The following TPX2 variants were observed in gnomAD, a reference collection of about 807,000 sequenced individuals.
TPX2 encodes TPX2 microtubule nucleation factor.
TPX2 carries 21 observed loss-of-function variants against 93.6 expected under a neutral mutation model. That is an observed-to-expected ratio of 0.22 (90% CI 0.16 to 0.32). The LOEUF (loss-of-function observed/expected upper bound fraction) is 0.32. Among genes scored for constraint, TPX2 ranks in the 10% least tolerant of loss-of-function variants. TPX2 has a pLI of 1.00. For synonymous variants in TPX2, 281 were observed against 298.3 expected, an observed-to-expected ratio of 0.94 and a Z score of 0.60; for missense variants, 776 against 871.1, an observed-to-expected ratio of 0.89 and a Z score of 1.37.
chr20:31,784,490 T>C (rs1199253302), intron 12 of TPX2, among the ~76,000 whole-genome samples: 1 of 152,212 alleles, frequency 6.6e-6, no homozygotes, highest in Non-Finnish European at 1.5e-5. Context: ...GTTCAGACAC[T>C]CTAGCTACAG....
At position 31,769,990 on chromosome 20, in the gene TPX2, A is replaced by G. The variant is rs559514050; in HGVS notation, c.357-353A>G. 2.7e-3 allele frequency among the ~76,000 whole-genome samples: 406 copies of G among 152,180 alleles called. 2 individuals are homozygous for G. Among genetic ancestry groups the G allele is most frequent in the Non-Finnish European group, 2.6e-3 (176 of 67,990 alleles). ...TTTTTAAAAAATTTTTTGTAGAGAC[A>G]GGGTCTTGATATGTTGCCCATGCTG... On this transcript the variant is annotated intron_variant, in intron 5 of 17. Transcript: ENST00000300403.
intron 2 of TPX2, among the ~76,000 whole-genome samples, chr20:31,744,766 A>G (rs776451430): frequency 3.3e-5 from 5 of 152,052 alleles, no homozygotes; most frequent in African/African-American, 4.8e-5. Context: ...TATTACTTTT[A>G]CCAGTGAAAT....
intron 5 of TPX2, among the ~76,000 whole-genome samples, chr20:31,769,581 C>T (rs1002871966): frequency 1.3e-5 from 2 of 152,140 alleles, no homozygotes; most frequent in Admixed American, 1.3e-4. Context: ...GCCTCGGCCT[C>T]CCAAAGTGCT....
rs1461736650 is a variant in TPX2, at chr20:31,801,004, G to A, written c.2168G>A (p.Gly723Asp). 1.2e-6 allele frequency: 2 copies of A among 1,614,182 alleles called. No individual in the cohort carries two copies. Among genetic ancestry groups the A allele is most frequent in the Admixed American group, 3.3e-5 (2 of 60,030 alleles). Residue 723 changes from glycine (G) to aspartate (D), a missense_variant, in exon 18 of 18, where the codon GGT becomes GAT. By Grantham distance (94) the Gly-to-Asp change is moderately conservative (BLOSUM62 -1). Around this residue, in one of 3 missense-constraint regions of TPX2, gnomAD observed 461 missense variants for 551.2 expected, o/e 0.84. Coordinates refer to ENST00000300403, the MANE Select transcript of TPX2 (RefSeq NM_012112.5). ...HKANPIRKYQ[G>D]LEIKSSDQPL... is the part of the protein sequence containing the mutation. ...GCAAATCCAATACGCAAGTACCAGGGTCTGGAGATAAAGTCAAGTGACCAG... is the reference window on the plus strand; with the variant it reads ...GCAAATCCAATACGCAAGTACCAGGATCTGGAGATAAAGTCAAGTGACCAG...
At chr20:31,740,845 T>C (rs1395963753) in intron 1 of TPX2, among the ~76,000 whole-genome samples, 1 of 152,166 alleles carries the variant, frequency 6.6e-6, no homozygotes, top group East Asian at 1.9e-4. Context: ...GAAACAATCC[T>C]AGTGCATAGG....
chr20:31,751,341 C>T (rs1196897964), intron 2 of TPX2, among the ~76,000 whole-genome samples: 4 of 151,994 alleles, frequency 2.6e-5, no homozygotes. Context: ...GCCTGGGAAG[C>T]CTTCCCAGTG....
At chr20:31,773,494 G>A (rs2123032849) in intron 7 of TPX2, among the ~76,000 whole-genome samples, 1 of 151,944 alleles carries the variant, frequency 6.6e-6, no homozygotes, top group African/African-American at 2.4e-5. Flanking sequence ...GTTTCATGAT[G>A]TTAGCCAGGC....
At chr20:31,764,046 T>C (rs2061907954) in intron 4 of TPX2, among the ~76,000 whole-genome samples, 1 of 151,568 alleles carries the variant, frequency 6.6e-6, no homozygotes, top group Non-Finnish European at 1.5e-5. Flanking sequence ...TACATATATA[T>C]ACACACACAC....
In TPX2 at chr20:31,778,953, A is replaced by G. The variant is rs1252995428; in HGVS notation, c.1023A>G (p.Arg341=). The change falls in exon 10 of 18, where the codon AGA becomes AGG. Residue 341 remains arginine (R), a synonymous_variant. Transcript: ENST00000300403. ...VEDFHKRTPN[R]YHLRSKKDDI... The stretch of plus-strand genomic sequence containing the variant: ...ACTTCCATAAACGAACCCCTAACAG[A>G]TATCATTTGAGGAGCAAGAAGGATG... The G allele has an allele frequency of 6.2e-7, 1 of 1,602,634 alleles. No individual in the cohort carries two copies. Among genetic ancestry groups the G allele is most frequent in the Non-Finnish European group, 8.5e-7 (1 of 1,176,742 alleles).
intron 5 of TPX2, among the ~76,000 whole-genome samples, chr20:31,768,335 A>G (rs2061942498): frequency 6.6e-6 from 1 of 151,436 alleles, no homozygotes; most frequent in Non-Finnish European, 1.5e-5. Flanking sequence ...TCCCGGGTTC[A>G]AGTGATTCTC....
chr20:31,783,583 T>C, intron 11 of TPX2, 122 bp from the exon 12 acceptor site: 1 of 957,502 alleles, frequency 1.0e-6, no homozygotes, highest in East Asian at 2.6e-5. Flanking sequence ...TTTTATTCTG[T>C]TGTCCAGTCA....
intron 2 of TPX2, among the ~76,000 whole-genome samples, chr20:31,745,511 A>G (rs1343570202): frequency 6.6e-6 from 1 of 152,132 alleles, no homozygotes; most frequent in Non-Finnish European, 1.5e-5. Context: ...TATTTTTATT[A>G]GAGATGGGGT....
At chr20:31,754,005 G>A (rs909855393) in intron 2 of TPX2, among the ~76,000 whole-genome samples, 3 of 152,032 alleles carry the variant, frequency 2.0e-5, no homozygotes, top group Non-Finnish European at 2.9e-5. Context: ...CAGCCTGGGC[G>A]ACAGAGCAAG....
At chr20:31,775,164 G>A (rs2061988246) in intron 7 of TPX2, among the ~76,000 whole-genome samples, 1 of 151,950 alleles carries the variant, frequency 6.6e-6, no homozygotes, top group African/African-American at 2.4e-5. Context: ...TCACCATGTT[G>A]GCCAGGTTGG....
chr20:31,756,244 A>G (rs1376414246), intron 2 of TPX2, among the ~76,000 whole-genome samples: 1 of 152,182 alleles, frequency 6.6e-6, no homozygotes, highest in Non-Finnish European at 1.5e-5. Flanking sequence ...TGGGAGAGAC[A>G]TTTACATAGT....
intron 12 of TPX2, among the ~76,000 whole-genome samples, chr20:31,784,706 G>A (rs1296485004): frequency 1.3e-5 from 2 of 152,204 alleles, no homozygotes; most frequent in East Asian, 3.8e-4. Flanking sequence ...AAGAGCCACT[G>A]GAAACTGTTT....
At chr20:31,779,496 C>G (rs1456094150) in intron 10 of TPX2, among the ~76,000 whole-genome samples, 2 of 152,178 alleles carry the variant, frequency 1.3e-5, no homozygotes, top group South Asian at 2.1e-4. Context: ...AAAGCCTTTA[C>G]CATAATTTGT....
rs1333249667 is a variant in TPX2 at position 31,778,940 on chromosome 20, G to A, written c.1010G>A (p.Arg337Gln). 6 of 1,609,204 alleles carry A rather than the reference G, an allele frequency of 3.7e-6. No individual in the cohort carries two copies. Among genetic ancestry groups the A allele is most frequent in the Non-Finnish European group, 5.1e-6 (6 of 1,178,806 alleles). ...LAQQVEDFHK[R>Q]TPNRYHLRSK... ...CAGCAAGTTGAAGACTTCCATAAAC[G>A]AACCCCTAACAGATATCATTTGAGG... is the stretch of plus-strand genomic sequence containing the variant. The change falls in exon 10 of 18, where the codon CGA becomes CAA. Residue 337 changes from arginine (R) to glutamine (Q), a missense_variant. Transcript: ENST00000300403.
chr20:31,761,780 A>G (rs2061892564), intron 4 of TPX2, among the ~76,000 whole-genome samples: 1 of 152,074 alleles, frequency 6.6e-6, no homozygotes, highest in Admixed American at 6.5e-5. Flanking sequence ...CAGTAGGGGG[A>G]TTGCTGGATC....
Sources: allele counts gnomAD v4.1 joint callset (sites outside exome capture counted in the v4.1 genomes callset), GRCh38; gene constraint gnomAD v4.1.1; regional missense constraint gnomAD v4.1.1; transcripts MANE v1.5; gene names NCBI Gene and HGNC (gene_info 2026-07-23, HGNC 2026-07-21).